SLC12A2: variants seen among roughly 807,000 people sequenced by gnomAD.
SLC12A2 encodes Na-K-2Cl cotransporter 1.
In SLC12A2, 67 loss-of-function variants were observed where a neutral mutation model predicts 136.3. That is an observed-to-expected ratio of 0.49 (90% CI 0.40 to 0.60). SLC12A2 has a LOEUF of 0.60. Among genes scored for constraint, SLC12A2 ranks in the 20% least tolerant of loss-of-function variants. The probability of loss-of-function intolerance (pLI) is 0.00; values close to 1 mark genes in which losing one functional copy is unlikely to be tolerated. For missense variants in SLC12A2, 1,322 were observed against 1,534.7 expected (o/e 0.86, Z 2.32); for synonymous variants, 619 against 562.9 (o/e 1.10, Z -1.41).
chr5:128,115,418 C>T (rs1057465460), intron 4 of SLC12A2, among the ~76,000 whole-genome samples: 3 of 152,166 alleles, frequency 2.0e-5, no homozygotes, highest in Admixed American at 2.0e-4. Context: ...AGCCACCGCA[C>T]CTGGCCCTGG....
At position 128,103,946 on chromosome 5, in the gene SLC12A2, C is replaced by G. The variant is rs148234201; in HGVS notation, c.757-8868C>G. 6.9e-4 allele frequency among the ~76,000 whole-genome samples: 105 copies of G among 152,270 alleles called. 1 individual carries two copies. Among genetic ancestry groups the G allele is most frequent in the African/African-American group, 2.5e-3 (102 of 41,540 alleles). On this transcript the variant is annotated intron_variant, in intron 1 of 26. Transcript: ENST00000262461. ...AAAAATAGAAATGTCACTTCTATAA[C>G]AGTCAGACTAATATTTGCCTTTTCT...
Position 128,124,109 on chromosome 5 carries a change from G to A in SLC12A2, c.1049-6958G>A, listed in dbSNP as rs1420527363. Among the ~76,000 whole-genome samples, 6 of 152,134 alleles carry A rather than the reference G, an allele frequency of 3.9e-5. 1 individual carries two copies. The highest frequency in any genetic ancestry group is 1.3e-4 in the Admixed American group (2 of 15,278). ...GTGTGAGTCTATTTCTAGACTCTGT[G>A]CCATTCCATTCATCTTGGCAAAAGC... On this transcript the variant is annotated intron_variant, in intron 4 of 26. Transcript: ENST00000262461.
intron 21 of SLC12A2, 54 bp downstream of exon 21, chr5:128,177,206 T>A: frequency 1.6e-6 from 2 of 1,268,454 alleles, no homozygotes; most frequent in Non-Finnish European, 2.2e-6. Flanking sequence ...GTAAACTCTT[T>A]AACTCCAACC....
chr5:128,179,067 A>G (rs982534053), intron 22 of SLC12A2, among the ~76,000 whole-genome samples: 3 of 152,228 alleles, frequency 2.0e-5, no homozygotes, highest in Non-Finnish European at 2.9e-5. Flanking sequence ...ATCAGGTGGC[A>G]CAGGATGTTG....
chr5:128,099,815 G>A (rs1050798677), intron 1 of SLC12A2, among the ~76,000 whole-genome samples: 3 of 152,050 alleles, frequency 2.0e-5, no homozygotes, highest in Non-Finnish European at 4.4e-5. Flanking sequence ...CCACTAGAAG[G>A]TCTTCAAGCA....
chr5:128,129,291 A>AT (rs1371503258), intron 4 of SLC12A2, among the ~76,000 whole-genome samples: 1 of 152,110 alleles, frequency 6.6e-6, no homozygotes, highest in Non-Finnish European at 1.5e-5. Context: ...AAGGCTGATA[A>AT]TTATACTATT....
chr5:128,114,204 C>G lies in SLC12A2; in HGVS notation c.877-8C>G. On this transcript the variant is annotated splice_region_variant and splice_polypyrimidine_tract_variant and intron_variant, in intron 2 of 26. Coordinates refer to ENST00000262461, the MANE Select transcript of SLC12A2 (RefSeq NM_001046.3). Reference sequence around the variant, plus strand: ...CCTCTGTGTCTTGGCCTCTTTTTCCCTCTTTAGGTACGTTGTATGTTAAAC... The same window carrying G: ...CCTCTGTGTCTTGGCCTCTTTTTCCGTCTTTAGGTACGTTGTATGTTAAAC... 1.2e-6 allele frequency: 2 copies of G among 1,607,110 alleles called. No homozygotes were observed. The highest frequency in any genetic ancestry group is 1.7e-6 in the Non-Finnish European group (2 of 1,175,102).
At chr5:128,161,861 T>G in intron 17 of SLC12A2, 61 bp downstream of exon 17, 1 of 1,136,976 alleles carries the variant, frequency 8.8e-7, no homozygotes, top group Non-Finnish European at 1.2e-6. Context: ...TTTTTAAAAC[T>G]TTTTAATTCT....
At chr5:128,091,633 C>CT (rs1247415035) in intron 1 of SLC12A2, among the ~76,000 whole-genome samples, 1 of 152,140 alleles carries the variant, frequency 6.6e-6, no homozygotes, top group Non-Finnish European at 1.5e-5. Flanking sequence ...CCTCCTTTGT[C>CT]TTTTTCCATT....
At chr5:128,185,317 TAC>T (rs1452658012) in intron 26 of SLC12A2, among the ~76,000 whole-genome samples, 4 of 152,196 alleles carry the variant, frequency 2.6e-5, no homozygotes, top group African/African-American at 9.6e-5. Flanking sequence ...AAATTTTACA[TAC>T]AGACACATTG....
intron 21 of SLC12A2, 36 bp downstream of exon 21, chr5:128,177,188 T>C: frequency 6.7e-7 from 1 of 1,490,316 alleles, no homozygotes; most frequent in African/African-American, 1.4e-5. Flanking sequence ...TAAACCCTTT[T>C]TCATACTGTA....
In SLC12A2 at chr5:128,105,540, T is replaced by C. The variant is rs571210245; in HGVS notation, c.757-7274T>C. Among the ~76,000 whole-genome samples the C allele has an allele frequency of 1.8e-4, 28 of 152,238 alleles. No homozygotes were observed. In the South Asian group the frequency reaches 5.2e-3, roughly 28 times the overall value. On this transcript the variant is annotated intron_variant, in intron 1 of 26. Coordinates refer to ENST00000262461, the MANE Select transcript of SLC12A2 (RefSeq NM_001046.3). ...TCTTAATAAAACGATTTTGGTGTTGTGGTGAGGGGAAGCCAGGTTGGCTTG... is the reference window on the plus strand; with the variant it reads ...TCTTAATAAAACGATTTTGGTGTTGCGGTGAGGGGAAGCCAGGTTGGCTTG...
intron 1 of SLC12A2, among the ~76,000 whole-genome samples, chr5:128,086,544 G>C (rs1291077837): frequency 6.6e-6 from 1 of 152,094 alleles, no homozygotes; most frequent in Non-Finnish European, 1.5e-5. Flanking sequence ...CTCAATTTTA[G>C]ATTCTGTTAA....
intron 12 of SLC12A2, among the ~76,000 whole-genome samples, chr5:128,149,392 A>G (rs2126720859): frequency 6.6e-6 from 1 of 151,960 alleles, no homozygotes; most frequent in African/African-American, 2.4e-5. Flanking sequence ...ACTTGTGGAG[A>G]ACAAGTGGGC....
chr5:128,115,634 A>G (rs145839404), intron 4 of SLC12A2, among the ~76,000 whole-genome samples: 1 of 152,356 alleles, frequency 6.6e-6, no homozygotes, highest in East Asian at 1.9e-4. Flanking sequence ...GAGTGAGAAG[A>G]TCCCTGGAGA....
In SLC12A2 at chr5:128,088,570, T is replaced by C. The variant is rs539720426; in HGVS notation, c.756+3860T>C. Among the ~76,000 whole-genome samples, 14 of 124,532 alleles carry C rather than the reference T, an allele frequency of 1.1e-4. No homozygotes were observed. In the East Asian group the frequency reaches 4.8e-3, roughly 42 times the overall value. The allele number at this position is 124,532 out of a possible 152,430, so 81.7% of individuals were successfully genotyped here. ...TGTTTTTGTTTGTTTGTTTTTTGTG[T>C]GTGTGTTTTACTATTTTGTGTTTTA... On this transcript the variant is annotated intron_variant, in intron 1 of 26. Transcript: ENST00000262461.
chr5:128,098,604 A>T (rs966127900), intron 1 of SLC12A2, among the ~76,000 whole-genome samples: 12 of 151,376 alleles, frequency 7.9e-5, no homozygotes, highest in Non-Finnish European at 1.5e-4. Flanking sequence ...GTTGGTTTTT[A>T]AAAATATTCT....
At chr5:128,127,054 G>T (rs1237891048) in intron 4 of SLC12A2, among the ~76,000 whole-genome samples, 1 of 129,812 alleles carries the variant, frequency 7.7e-6, no homozygotes, top group African/African-American at 2.9e-5. Flanking sequence ...CGTTTCTGTC[G>T]AATTTTACTT....
chr5:128,116,462 T>G (rs1561666629), intron 4 of SLC12A2, among the ~76,000 whole-genome samples: 2 of 151,256 alleles, frequency 1.3e-5, no homozygotes, highest in Admixed American at 1.3e-4. Flanking sequence ...TGTGCAGTCT[T>G]CTGTCCTGGA....
Sources: allele counts gnomAD v4.1 joint callset (sites outside exome capture counted in the v4.1 genomes callset), GRCh38; gene constraint gnomAD v4.1.1; transcripts MANE v1.5; gene names NCBI Gene and HGNC (gene_info 2026-07-23, HGNC 2026-07-21).